CPVL: variants seen among roughly 807,000 people sequenced by gnomAD.
CPVL encodes carboxypeptidase vitellogenic like.
In CPVL, 51 loss-of-function variants were observed where a neutral mutation model predicts 63.7. The ratio of observed to expected loss-of-function variants is 0.80; its 90% CI spans 0.64 to 1.01. CPVL has a LOEUF of 1.01. CPVL is among the 50% of genes least tolerant of loss of function. The pLI is 0.00. For synonymous variants in CPVL, 195 were observed against 206.0 expected (o/e 0.95, Z 0.46); for missense variants, 530 against 573.1 (o/e 0.92, Z 0.77).
At chr7:29,194,688 A>AC in intron 1 of CPVL, 1 of 382,530 alleles carries the variant, frequency 2.6e-6, no homozygotes, top group African/African-American at 2.1e-5. Context: ...GCTCCCACCT[A>AC]CCCCCTGACA....
intron 1 of CPVL, among the ~76,000 whole-genome samples, chr7:29,122,874 C>G (rs183427418): frequency 1.4e-4 from 22 of 152,166 alleles, no homozygotes; most frequent in African/African-American, 5.1e-4. Flanking sequence ...AAGTTTTACA[C>G]CTGAGGTAGT....
intron 1 of CPVL, among the ~76,000 whole-genome samples, chr7:29,186,821 TG>T (rs1798773787): frequency 6.6e-6 from 1 of 151,972 alleles, no homozygotes; most frequent in South Asian, 2.1e-4. Context: ...CAGCCAAAGG[TG>T]GGTTCAAATT....
intron 2 of CPVL, among the ~76,000 whole-genome samples, chr7:29,115,818 G>C (rs530568795): frequency 6.6e-6 from 1 of 152,164 alleles, no homozygotes; most frequent in East Asian, 1.9e-4. Context: ...GGAGGGAATG[G>C]AACAGAGGAA....
intron 1 of CPVL, chr7:29,126,313 G>A (rs1790017801): frequency 6.6e-6 from 1 of 152,064 alleles, no homozygotes; most frequent in Non-Finnish European, 1.5e-5. Flanking sequence ...CAGAAATCAG[G>A]CCTTCTTTTT....
At chr7:29,132,929 A>G (rs1398503725) in intron 1 of CPVL, among the ~76,000 whole-genome samples, 5 of 152,216 alleles carry the variant, frequency 3.3e-5, no homozygotes, top group Non-Finnish European at 7.3e-5. Flanking sequence ...AAAGCCCCAT[A>G]CAGTCTGGCT....
chr7:29,156,799 A>G (rs1794435159), intron 5 of CPVL, among the ~76,000 whole-genome samples: 1 of 135,696 alleles, frequency 7.4e-6, no homozygotes, highest in Non-Finnish European at 1.6e-5. Flanking sequence ...AAAGTCCAAG[A>G]AGTCATAATT....
At chr7:29,073,990 A>G (rs1783995093) in intron 7 of CPVL, among the ~76,000 whole-genome samples, 1 of 152,214 alleles carries the variant, frequency 6.6e-6, no homozygotes, top group Admixed American at 6.5e-5. Context: ...AAGGCCCTCC[A>G]GGGGTCTGTA....
chr7:29,160,642 C>T (rs186277897), intron 5 of CPVL, among the ~76,000 whole-genome samples: 75 of 152,250 alleles, frequency 4.9e-4, no homozygotes, highest in Non-Finnish European at 8.8e-4. Flanking sequence ...AGCACCTTGA[C>T]TCCTAATTTG....
chr7:29,096,030 TA>T, intron 4 of CPVL, 72 bp downstream of exon 4: 2 of 1,167,254 alleles, frequency 1.7e-6, no homozygotes, highest in Non-Finnish European at 2.6e-6. Flanking sequence ...GTGTTTACTC[TA>T]AATTAGTTTT....
chr7:29,123,247 C>T (rs979012441), intron 1 of CPVL, among the ~76,000 whole-genome samples: 3 of 152,014 alleles, frequency 2.0e-5, no homozygotes, highest in Non-Finnish European at 4.4e-5. Flanking sequence ...GCTTTTCAGG[C>T]ACATTTCCCC....
At chr7:29,017,968 A>C (rs1786575887) in intron 12 of CPVL, among the ~76,000 whole-genome samples, 1 of 152,208 alleles carries the variant, frequency 6.6e-6, no homozygotes, top group Non-Finnish European at 1.5e-5. Flanking sequence ...GGAAAATGAG[A>C]CCTAAAATTC....
At position 29,146,467 on chromosome 7, in the gene CPVL, A is replaced by T; in HGVS notation, c.-49T>A. The T allele has an allele frequency of 1.4e-6, 2 of 1,412,046 alleles. No individual in the cohort carries two copies. The highest frequency in any genetic ancestry group is 3.1e-5 in the South Asian group (2 of 65,232). 87.5% of individuals were successfully genotyped at this position (1,412,046 alleles called of 1,614,324 possible). On this transcript the variant is annotated 5_prime_UTR_variant, in exon 1 of 13. Coordinates refer to ENST00000265394, the MANE Select transcript of CPVL (RefSeq NM_031311.5). ...TGCTCCTCCCTGAGCCGCGGCGCGC[A>T]AGGACCCCAGCCGGTTGTCCTTGCA...
Position 28,995,839 on chromosome 7 carries a change from G to T in CPVL, c.1364C>A (p.Pro455His). 6.2e-7 allele frequency: 1 copy of T among 1,606,718 alleles called. No homozygotes were observed. The highest frequency in any genetic ancestry group is 1.7e-4 in the Middle Eastern group (1 of 5,824). ...ATTAATCATGTCAAAAGCTCTCAGA[G>T]GCTGGTCATAGGGTAAAATATGTCC... ...GGGHILPYDQ[P>H]LRAFDMINRF... The change falls in exon 13 of 13, where the codon CCT becomes CAT. Residue 455 changes from proline to histidine, a missense_variant. Coordinates refer to ENST00000265394, the MANE Select transcript of CPVL (RefSeq NM_031311.5).
At chr7:29,192,372 A>G (rs956589965) in intron 1 of CPVL, 1 of 152,220 alleles carries the variant, frequency 6.6e-6, no homozygotes, top group Non-Finnish European at 1.5e-5. Context: ...TTAAAACACT[A>G]TGAAGGGAAA....
chr7:29,040,273 G>T (rs1377219341), intron 11 of CPVL, among the ~76,000 whole-genome samples: 1 of 152,184 alleles, frequency 6.6e-6, no homozygotes, highest in African/African-American at 2.4e-5. Context: ...AAGCAGAAAA[G>T]AATTAATTTC....
chr7:29,092,059 A>G (rs1374059437), intron 6 of CPVL, among the ~76,000 whole-genome samples: 1 of 152,206 alleles, frequency 6.6e-6, no homozygotes, highest in Non-Finnish European at 1.5e-5. Flanking sequence ...AAATCTGACC[A>G]AATAAGAAAG....
At chr7:29,096,500 G>A (rs1056848763) in intron 3 of CPVL, 3 of 473,078 alleles carry the variant, frequency 6.3e-6, no homozygotes, top group Non-Finnish European at 7.6e-6. Flanking sequence ...TGCTTGGCTT[G>A]TGCATGCTGC....
rs749693929 is a variant in CPVL at position 29,086,577 on chromosome 7, CAAATT to C, written c.543-32_543-28del. 24 of 1,487,630 alleles carry C rather than the reference CAAATT, an allele frequency of 1.6e-5. 1 individual carries two copies. In the South Asian group the frequency reaches 2.6e-4, roughly 16 times the overall value. 92.2% of individuals were successfully genotyped at this position (1,487,630 alleles called of 1,614,324 possible). On this transcript the variant is annotated intron_variant, in intron 6 of 12. Transcript: ENST00000265394. Reference sequence around the variant, plus strand: ...TGCAAAAAGAAGAACAAGAACAACACAAATTAATCAGAAAAATGATTCAGGATCTC... The same window carrying C: ...TGCAAAAAGAAGAACAAGAACAACACAATCAGAAAAATGATTCAGGATCTC...
chr7:29,069,447 A>G (rs909518265), intron 9 of CPVL, among the ~76,000 whole-genome samples: 1 of 151,346 alleles, frequency 6.6e-6, no homozygotes, highest in Non-Finnish European at 1.5e-5. Context: ...TCTCAAAAAA[A>G]AAAAAAAAAA....
Sources: gnomAD v4.1 joint callset for allele counts (sites outside exome capture counted in the v4.1 genomes callset) on GRCh38, gnomAD v4.1.1 for gene constraint, MANE v1.5 for transcripts, NCBI Gene and HGNC (gene_info 2026-07-23, HGNC 2026-07-21) for gene names.